THSD7B: variants seen among roughly 807,000 people sequenced by gnomAD.
The protein encoded by THSD7B is thrombospondin type-1 domain-containing protein 7B.
THSD7B carries 138 observed loss-of-function variants against 213.6 expected under a neutral mutation model. The observed-to-expected ratio is 0.65, with a 90% CI of 0.56 to 0.74. The LOEUF is 0.74. THSD7B is among the 30% of genes least tolerant of loss of function. THSD7B has a pLI of 0.00. For missense variants in THSD7B, 1,931 were observed against 1,991.5 expected, an observed-to-expected ratio of 0.97 and a Z score of 0.58; for synonymous variants, 742 against 687.0, an observed-to-expected ratio of 1.08 and a Z score of -1.25.
At chr2:137,611,670 T>C (rs2104833730) in intron 17 of THSD7B, among the ~76,000 whole-genome samples, 1 of 152,188 alleles carries the variant, frequency 6.6e-6, no homozygotes, top group African/African-American at 2.4e-5. Flanking sequence ...AAAAAAACAC[T>C]TATTTGGATG....
intron 26 of THSD7B, among the ~76,000 whole-genome samples, chr2:137,666,619 T>G (rs1683453463): frequency 6.6e-6 from 1 of 150,600 alleles, no homozygotes; most frequent in Non-Finnish European, 1.5e-5. Flanking sequence ...TGTAGTATAA[T>G]GAATCTCTGT....
chr2:136,968,141 C>CT (rs2104797420), intron 2 of THSD7B, among the ~76,000 whole-genome samples: 1 of 152,242 alleles, frequency 6.6e-6, no homozygotes, highest in African/African-American at 2.4e-5. Flanking sequence ...TTAGAATGCA[C>CT]TGACTGGGCA....
intron 2 of THSD7B, among the ~76,000 whole-genome samples, chr2:136,919,184 C>G (rs556032638): frequency 1.0e-3 from 156 of 152,316 alleles, no homozygotes; most frequent in Non-Finnish European, 1.8e-3. Context: ...GACCTTTTTA[C>G]TCTCTCAAAG....
intron 10 of THSD7B, among the ~76,000 whole-genome samples, chr2:137,265,467 T>C (rs1371148842): frequency 6.6e-6 from 1 of 152,204 alleles, no homozygotes; most frequent in Non-Finnish European, 1.5e-5. Context: ...TTACTGGGTA[T>C]GTACCCAAAG....
rs191710665 is a variant in THSD7B at position 137,161,727 on chromosome 2, G to A, written c.1525+1359G>A. 7.2e-5 allele frequency among the ~76,000 whole-genome samples: 11 copies of A among 152,132 alleles called. No individual in the cohort carries two copies. The East Asian group carries it at 1.4e-3, about 19-fold the overall frequency. On this transcript the variant is annotated intron_variant, in intron 6 of 27. Transcript: ENST00000409968. ...TAACCAGAATGTCCCCCACGCCTCC[G>A]CAGCTTGTGGACACAAATAAGTTTC...
At chr2:137,602,190 G>A (rs1682086312) in intron 17 of THSD7B, among the ~76,000 whole-genome samples, 2 of 152,152 alleles carry the variant, frequency 1.3e-5, no homozygotes, top group Admixed American at 1.3e-4. Flanking sequence ...GTTTTGTGGT[G>A]TTATAGCAGA....
chr2:136,857,639 G>A (rs934457569), intron 1 of THSD7B, among the ~76,000 whole-genome samples: 1 of 149,750 alleles, frequency 6.7e-6, no homozygotes, highest in Non-Finnish European at 1.5e-5. Flanking sequence ...ACACACACAC[G>A]AATGAATTTA....
At chr2:137,104,147 G>A (rs1384782637) in intron 4 of THSD7B, among the ~76,000 whole-genome samples, 1 of 152,130 alleles carries the variant, frequency 6.6e-6, no homozygotes, top group East Asian at 1.9e-4. Context: ...ACACTCCTCA[G>A]CAAATGTAAA....
intron 17 of THSD7B, among the ~76,000 whole-genome samples, chr2:137,610,262 G>A (rs370461490): frequency 5.3e-5 from 8 of 152,082 alleles, no homozygotes; most frequent in African/African-American, 1.9e-4. Context: ...GAATGGGATG[G>A]GACCCAATAA....
rs187144080 is a variant in THSD7B, at chr2:136,854,173, C to G, written c.-35-27971C>G. 5.9e-3 allele frequency among the ~76,000 whole-genome samples: 891 copies of G among 151,518 alleles called. 5 individuals are homozygous for G. Among genetic ancestry groups the G allele is most frequent in the Middle Eastern group, 0.024 (7 of 294 alleles). On this transcript the variant is annotated intron_variant, in intron 1 of 27. Coordinates refer to ENST00000409968, the MANE Select transcript of THSD7B (RefSeq NM_001316349.2). The stretch of plus-strand genomic sequence containing the variant: ...ATTGCTTCTAGGCCCTCTTAGGAAA[C>G]AGCTGGGGGGGAATAAAATACCACA...
intron 15 of THSD7B, among the ~76,000 whole-genome samples, chr2:137,542,001 C>T (rs897906552): frequency 5.3e-5 from 8 of 150,372 alleles, no homozygotes; most frequent in Admixed American, 2.7e-4. Context: ...ACGGGAGTCC[C>T]GGAAAAAAAG....
chr2:137,169,167 GAA>G (rs58288399), intron 6 of THSD7B, among the ~76,000 whole-genome samples: 18 of 118,204 alleles, frequency 1.5e-4, no homozygotes, highest in Middle Eastern at 0.01. Flanking sequence ...GTTATCTTAG[GAA>G]AAAAAAAAAA....
At chr2:137,150,338 C>CA (rs1283524357) in intron 5 of THSD7B, among the ~76,000 whole-genome samples, 1 of 151,888 alleles carries the variant, frequency 6.6e-6, no homozygotes, top group African/African-American at 2.4e-5. Context: ...GCTGTATTCC[C>CA]ACCCAAATCT....
At chr2:137,084,454 T>G (rs1255261177) in intron 3 of THSD7B, among the ~76,000 whole-genome samples, 5 of 152,144 alleles carry the variant, frequency 3.3e-5, no homozygotes, top group African/African-American at 1.2e-4. Context: ...AGGGCATAGC[T>G]GCGTTGGGCA....
At chr2:137,113,680 G>C (rs62172305) in intron 4 of THSD7B, among the ~76,000 whole-genome samples, 1 of 151,892 alleles carries the variant, frequency 6.6e-6, no homozygotes, top group Non-Finnish European at 1.5e-5. Flanking sequence ...CAGGTGATCC[G>C]CCCACCTCAG....
intron 1 of THSD7B, among the ~76,000 whole-genome samples, chr2:136,793,864 T>C (rs1247903949): frequency 6.6e-6 from 1 of 151,910 alleles, no homozygotes; most frequent in Non-Finnish European, 1.5e-5. Flanking sequence ...TGTTTCTTCC[T>C]TAAATGTTGG....
chr2:137,647,421 T>TTCTCTCTC (rs60400076), intron 21 of THSD7B, among the ~76,000 whole-genome samples: 1,498 of 84,548 alleles, frequency 0.018, 53 homozygotes, highest in African/African-American at 0.064. Context: ...CTCTGTCTCT[T>TTCTCTCTC]TCTCTCTCTC....
intron 7 of THSD7B, among the ~76,000 whole-genome samples, chr2:137,218,061 G>A (rs373849203): frequency 1.4e-4 from 21 of 152,234 alleles, no homozygotes; most frequent in African/African-American, 4.6e-4. Context: ...TTCTTAAATT[G>A]CTTCCAAATA....
At chr2:136,801,512 C>G (rs1558809690) in intron 1 of THSD7B, among the ~76,000 whole-genome samples, 1 of 152,010 alleles carries the variant, frequency 6.6e-6, no homozygotes, top group African/African-American at 2.4e-5. Context: ...CTCAGAAAGG[C>G]TTATTTTGGC....
Sources: gnomAD v4.1 joint callset for allele counts (sites outside exome capture counted in the v4.1 genomes callset) on GRCh38, gnomAD v4.1.1 for gene constraint, MANE v1.5 for transcripts, NCBI Gene and HGNC (gene_info 2026-07-23, HGNC 2026-07-21) for gene names.